KDM2B: variants seen among roughly 807,000 people sequenced by gnomAD.
The protein encoded by KDM2B is lysine-specific demethylase 2B.
In KDM2B, 26 loss-of-function variants were observed where a neutral mutation model predicts 150.0. The ratio of observed to expected loss-of-function variants is 0.17; its 90% CI spans 0.13 to 0.24. KDM2B has a LOEUF of 0.24. Ranked by LOEUF, KDM2B falls within the 10% of genes least tolerant of loss-of-function variation. The probability of loss-of-function intolerance (pLI) is 1.00; values close to 1 mark genes in which losing one functional copy is unlikely to be tolerated. For synonymous variants in KDM2B, 734 were observed against 729.5 expected, an observed-to-expected ratio of 1.01 and a Z score of -0.10; for missense variants, 1,265 against 1,816.9, an observed-to-expected ratio of 0.70 and a Z score of 5.52.
At chr12:121,532,628 G>C (rs1396785429) in intron 8 of KDM2B, among the ~76,000 whole-genome samples, 178 bp downstream of exon 8, 3 of 152,182 alleles carry the variant, frequency 2.0e-5, no homozygotes, top group Non-Finnish European at 4.4e-5. Context: ...GGTAGATACA[G>C]GTGGGATGTG....
intron 13 of KDM2B, among the ~76,000 whole-genome samples, chr12:121,449,188 C>T (rs1233430909): frequency 1.5e-5 from 2 of 137,486 alleles, no homozygotes; most frequent in Non-Finnish European, 3.1e-5. Flanking sequence ...TGGCAGGGGG[C>T]TTGGGGCGCA....
the KDM2B span, chr12:121,416,110 G>GCCCAGATT: frequency 6.7e-7 from 1 of 1,491,082 alleles, no homozygotes; most frequent in South Asian, 1.1e-5. Context: ...ATCCCAGAGA[G>GCCCAGATT]CCCAGATTCC....
chr12:121,498,372 C>T (rs1293666346), intron 11 of KDM2B, among the ~76,000 whole-genome samples: 1 of 152,174 alleles, frequency 6.6e-6, no homozygotes, highest in South Asian at 2.1e-4. Flanking sequence ...CTGGAAAACA[C>T]ATGGCCCATT....
At chr12:121,497,222 T>G (rs563773221) in intron 11 of KDM2B, among the ~76,000 whole-genome samples, 2 of 152,312 alleles carry the variant, frequency 1.3e-5, no homozygotes, top group East Asian at 3.9e-4. Context: ...ATTTATAAAG[T>G]GTCTTTATTC....
At chr12:121,423,289 G>T in the KDM2B span, 2 of 890,762 alleles carry the variant, frequency 2.2e-6, no homozygotes, top group East Asian at 2.7e-5. This position sits in a 1 kb window ranked among gnomAD's most constrained non-coding sequence, Gnocchi z 4.3. Flanking sequence ...GCCTGCAGGG[G>T]TCATTCAGCA....
chr12:121,474,074 A>G (rs1881070367), intron 12 of KDM2B, among the ~76,000 whole-genome samples: 2 of 152,200 alleles, frequency 1.3e-5, no homozygotes, highest in African/African-American at 2.4e-5. Flanking sequence ...GCCAGGGACC[A>G]GGGGAGGGGG....
At chr12:121,516,692 G>GCGGCACCTGGCCT in intron 9 of KDM2B, 1 of 626,968 alleles carries the variant, frequency 1.6e-6, no homozygotes, top group Non-Finnish European at 2.8e-6. Flanking sequence ...GGCCCACTCA[G>GCGGCACCTGGCCT]CGGCACCTGG....
intron 1 of KDM2B, chr12:121,580,209 C>A: frequency 6.8e-7 from 1 of 1,462,282 alleles, no homozygotes; most frequent in Non-Finnish European, 9.0e-7. Flanking sequence ...AACACTTAGG[C>A]AGATCCGTTT....
intron 22 of KDM2B, among the ~76,000 whole-genome samples, chr12:121,437,120 G>T (rs1438125993): frequency 6.6e-6 from 1 of 152,014 alleles, no homozygotes; most frequent in Non-Finnish European, 1.5e-5. Context: ...TGGCAGCAGT[G>T]GGGCGGGCAG....
At chr12:121,454,127 G>A (rs1416906503) in intron 12 of KDM2B, among the ~76,000 whole-genome samples, 1 of 151,960 alleles carries the variant, frequency 6.6e-6, no homozygotes, top group Non-Finnish European at 1.5e-5. Flanking sequence ...CTGGGTTCAG[G>A]GCCCCTCTGG....
chr12:121,531,261 C>T (rs1048868788), intron 8 of KDM2B, among the ~76,000 whole-genome samples: 1 of 152,186 alleles, frequency 6.6e-6, no homozygotes, highest in African/African-American at 2.4e-5. Flanking sequence ...AAGTCATCCC[C>T]GCACTAAACC....
Position 121,534,445 on chromosome 12 carries a change from C to A in KDM2B, c.777+52G>T. ...AGAGGGAAAGGTAAGTGAGCCCCTC[C>A]CCACACAAACAGCTAGAGATGCATA... On this transcript the variant is annotated intron_variant, in intron 7 of 22. Transcript: ENST00000377071. The A allele has an allele frequency of 3.0e-6, 4 of 1,347,678 alleles. No homozygotes were observed. In the South Asian group the frequency reaches 4.7e-5, roughly 16 times the overall value. The allele number at this position is 1,347,678 out of a possible 1,614,324, so 83.5% of individuals were successfully genotyped here.
intron 13 of KDM2B, among the ~76,000 whole-genome samples, chr12:121,446,260 T>C (rs529578398): frequency 2.0e-5 from 3 of 152,016 alleles, no homozygotes; most frequent in East Asian, 1.9e-4. Flanking sequence ...TAGCCGGGCG[T>C]GGTGGCGGGC....
At chr12:121,517,874 T>C (rs1194518822) in intron 9 of KDM2B, among the ~76,000 whole-genome samples, 1 of 151,974 alleles carries the variant, frequency 6.6e-6, no homozygotes, top group Non-Finnish European at 1.5e-5. Flanking sequence ...GGCAAAGCCA[T>C]GTTTTAGGAC....
chr12:121,431,883 T>TC (rs1460478065), intron 22 of KDM2B, among the ~76,000 whole-genome samples: 18 of 147,654 alleles, frequency 1.2e-4, no homozygotes, highest in Non-Finnish European at 2.1e-4. Context: ...TTTTTTCTTT[T>TC]TTTTTTTTTT....
chr12:121,521,173 G>C lies in KDM2B; in HGVS notation c.932-73C>G. Reference sequence around the variant, plus strand: ...CTCCCACACCTCACAAGGCTGCAGGGAGGGAGAGCGAGCGTGCAGGAGGGT... The same window carrying C: ...CTCCCACACCTCACAAGGCTGCAGGCAGGGAGAGCGAGCGTGCAGGAGGGT... On this transcript the variant is annotated intron_variant, in intron 8 of 22. Coordinates refer to ENST00000377071, the MANE Select transcript of KDM2B (RefSeq NM_032590.5). The surrounding 1 kb of genome is among the most constrained non-coding windows in gnomAD (Gnocchi z 4.9). 9.8e-7 allele frequency: 1 copy of C among 1,024,818 alleles called. No individual in the cohort carries two copies. Among genetic ancestry groups the C allele is most frequent in the Non-Finnish European group, 1.5e-6 (1 of 660,998 alleles). The allele number at this position is 1,024,818 out of a possible 1,614,324, so 63.5% of individuals were successfully genotyped here. A position where few individuals can be genotyped will look rare whatever the true frequency, so the allele number is the denominator to read the frequency against.
Position 121,575,918 on chromosome 12 carries a change from G to T in KDM2B, c.272-59C>A. Reference sequence around the variant, plus strand: ...AAGTCACGAAGGAGCAAATGAACCGGGATCTGTTGGTTAGGGGAAGAAAAC... The same window carrying T: ...AAGTCACGAAGGAGCAAATGAACCGTGATCTGTTGGTTAGGGGAAGAAAAC... On this transcript the variant is annotated intron_variant, in intron 2 of 22. Transcript: ENST00000377071. This position sits in a 1 kb window ranked among gnomAD's most constrained non-coding sequence, Gnocchi z 4.4. The T allele has an allele frequency of 7.6e-7, 1 of 1,316,038 alleles. No homozygotes were observed. The highest frequency in any genetic ancestry group is 1.1e-6 in the Non-Finnish European group (1 of 909,384). The allele number at this position is 1,316,038 out of a possible 1,614,324, so 81.5% of individuals were successfully genotyped here.
intron 8 of KDM2B, among the ~76,000 whole-genome samples, chr12:121,532,566 CTGAGAG>C (rs1887751863): frequency 6.6e-6 from 1 of 152,236 alleles, no homozygotes; most frequent in Non-Finnish European, 1.5e-5. Context: ...CGAGTCTCCC[CTGAGAG>C]GGCCCAAGGC....
intron 13 of KDM2B, among the ~76,000 whole-genome samples, chr12:121,450,313 C>CA (rs563576089): frequency 8.7e-4 from 86 of 99,016 alleles, no homozygotes; most frequent in East Asian, 3.8e-3. Context: ...GACTCTGTCT[C>CA]AAAAAAAAAA....
Sources: allele counts gnomAD v4.1 joint callset (sites outside exome capture counted in the v4.1 genomes callset), GRCh38; gene constraint gnomAD v4.1.1; non-coding constraint Gnocchi (gnomAD v3.1); transcripts MANE v1.5; gene names NCBI Gene and HGNC (gene_info 2026-07-23, HGNC 2026-07-21).